EEFSEC: variants seen among roughly 807,000 people sequenced by gnomAD.
EEFSEC encodes the protein eukaryotic elongation factor, selenocysteine-tRNA specific.
EEFSEC carries 43 observed loss-of-function variants against 42.1 expected under a neutral mutation model. The observed-to-expected ratio is 1.02, with a 90% CI of 0.80 to 1.32. The LOEUF (loss-of-function observed/expected upper bound fraction) is 1.32. Ranked by LOEUF, EEFSEC falls within the 40% of genes most tolerant of loss-of-function variation. The pLI, the probability that EEFSEC is intolerant of heterozygous loss-of-function variation, is 0.00. For synonymous variants in EEFSEC, 354 were observed against 339.1 expected, an observed-to-expected ratio of 1.04 and a Z score of -0.48; for missense variants, 745 against 803.6, an observed-to-expected ratio of 0.93 and a Z score of 0.88.
At chr3:128,238,479 A>G (rs576097034) in intron 1 of EEFSEC, among the ~76,000 whole-genome samples, 4 of 152,282 alleles carry the variant, frequency 2.6e-5, no homozygotes, top group East Asian at 1.9e-4. Flanking sequence ...CTTGGCTCCA[A>G]TTCAGCTCTC....
chr3:128,175,772 T>G (rs1202892984), intron 1 of EEFSEC, among the ~76,000 whole-genome samples: 2 of 152,178 alleles, frequency 1.3e-5, no homozygotes, highest in African/African-American at 4.8e-5. Flanking sequence ...GGTTTAGTAG[T>G]GAGCCCTCTA....
chr3:128,290,251 A>T (rs761264811), intron 4 of EEFSEC, among the ~76,000 whole-genome samples: 3 of 151,444 alleles, frequency 2.0e-5, no homozygotes, highest in Admixed American at 6.6e-5. Context: ...TTCCAAATTA[A>T]TTTTTTTGTA....
At chr3:128,166,633 G>A (rs985927512) in intron 1 of EEFSEC, among the ~76,000 whole-genome samples, 4 of 151,872 alleles carry the variant, frequency 2.6e-5, no homozygotes, top group Non-Finnish European at 5.9e-5. Flanking sequence ...CCTGGCCTGG[G>A]GTGACTACCA....
intron 4 of EEFSEC, among the ~76,000 whole-genome samples, chr3:128,287,452 C>T (rs1192506691): frequency 6.6e-6 from 1 of 152,204 alleles, no homozygotes; most frequent in Non-Finnish European, 1.5e-5. Context: ...AACAGCTACA[C>T]TTTTCTTCCT....
intron 1 of EEFSEC, among the ~76,000 whole-genome samples, chr3:128,237,948 C>T (rs143997366): frequency 1.3e-5 from 2 of 152,242 alleles, no homozygotes; most frequent in East Asian, 3.9e-4. Flanking sequence ...CTTAGGGTTC[C>T]CAGAGCACTC....
intron 1 of EEFSEC, among the ~76,000 whole-genome samples, chr3:128,171,902 A>G (rs1559853344): frequency 6.6e-6 from 1 of 152,220 alleles, no homozygotes; most frequent in African/African-American, 2.4e-5. Flanking sequence ...TTAAAAACAC[A>G]ATAAAGTATA....
chr3:128,408,092 A>G lies in EEFSEC; in HGVS notation c.1624A>G (p.Lys542Glu). 2.5e-6 allele frequency: 4 copies of G among 1,591,236 alleles called. No homozygotes were observed. Among genetic ancestry groups the G allele is most frequent in the Non-Finnish European group, 1.7e-6 (2 of 1,168,718 alleles). The change falls in exon 7 of 7, where the codon AAG (lysine) becomes GAG (glutamate). Residue 542 changes from lysine (K) to glutamate (E), a missense_variant. By Grantham distance (56) the Lys-to-Glu change is moderately conservative (BLOSUM62 1). Coordinates refer to ENST00000254730, the MANE Select transcript of EEFSEC (RefSeq NM_021937.5). ...IPGGLSPESKKILTPALKKRA... is the reference protein window; with the variant it reads ...IPGGLSPESKEILTPALKKRA... ...AGGTGGCCTCAGCCCCGAGTCCAAG[A>G]AGATCCTGACACCCGCCCTCAAGAA...
intron 4 of EEFSEC, among the ~76,000 whole-genome samples, chr3:128,311,590 G>A (rs1201665083): frequency 2.0e-5 from 3 of 152,228 alleles, no homozygotes; most frequent in African/African-American, 7.2e-5. Flanking sequence ...CAGGCCCACG[G>A]AGCTAGTTTG....
chr3:128,209,835 C>T (rs1048477438), intron 1 of EEFSEC, among the ~76,000 whole-genome samples: 30 of 152,168 alleles, frequency 2.0e-4, no homozygotes, highest in Admixed American at 2.0e-3. Context: ...TAGATTATGT[C>T]CCCAGTTGAG....
At chr3:128,168,188 A>G (rs1393055823) in intron 1 of EEFSEC, among the ~76,000 whole-genome samples, 5 of 152,194 alleles carry the variant, frequency 3.3e-5, no homozygotes, top group African/African-American at 1.2e-4. Flanking sequence ...GGCTGATGCC[A>G]GTAATTGTTC....
In EEFSEC at chr3:128,351,606, C is replaced by T. The variant is rs574666807; in HGVS notation, c.1444-6611C>T. On this transcript the variant is annotated intron_variant, in intron 5 of 6. Transcript: ENST00000254730. ...CTTCTACAATTTGAATTAGAATGGT[C>T]ACTTCACAGCTTGGGCAATTCCCAA... is the stretch of plus-strand genomic sequence containing the variant. Among the ~76,000 whole-genome samples the T allele has an allele frequency of 3.3e-5, 5 of 152,332 alleles. No homozygotes were observed. In the South Asian group the frequency reaches 8.3e-4, roughly 25 times the overall value.
chr3:128,163,794 A>G (rs1351864801), intron 1 of EEFSEC, among the ~76,000 whole-genome samples: 2 of 151,926 alleles, frequency 1.3e-5, no homozygotes, highest in East Asian at 3.9e-4. Context: ...AGATCACACA[A>G]TATGTGGCCT....
intron 4 of EEFSEC, among the ~76,000 whole-genome samples, chr3:128,283,190 G>A (rs140864344): frequency 7.9e-5 from 12 of 152,332 alleles, no homozygotes; most frequent in Middle Eastern, 3.4e-3. Flanking sequence ...GGGACTAGGC[G>A]GTTAAGGCTC....
At chr3:128,173,453 T>C (rs1010786117) in intron 1 of EEFSEC, among the ~76,000 whole-genome samples, 1 of 152,150 alleles carries the variant, frequency 6.6e-6, no homozygotes, top group Non-Finnish European at 1.5e-5. Flanking sequence ...TGAGTGAGAA[T>C]TCCTGCAATG....
At chr3:128,263,359 G>A (rs1354812560) in intron 3 of EEFSEC, among the ~76,000 whole-genome samples, 5 of 152,224 alleles carry the variant, frequency 3.3e-5, no homozygotes, top group South Asian at 2.1e-4. Flanking sequence ...ACCTGGCTCC[G>A]CAGAGCCAAG....
At chr3:128,332,753 G>T (rs939011607) in intron 4 of EEFSEC, among the ~76,000 whole-genome samples, 44 of 152,220 alleles carry the variant, frequency 2.9e-4, no homozygotes, top group African/African-American at 9.7e-4. Flanking sequence ...GGCAGCGCTG[G>T]CAGTCTCCAG....
intron 5 of EEFSEC, among the ~76,000 whole-genome samples, chr3:128,345,353 TG>T (rs1222476329): frequency 2.0e-5 from 3 of 152,204 alleles, no homozygotes; most frequent in Non-Finnish European, 4.4e-5. Context: ...CCAATCCCCC[TG>T]GTCCCTATCA....
chr3:128,424,056 ACACT>A, the EEFSEC span, among the ~76,000 whole-genome samples: 1 of 152,090 alleles, frequency 6.6e-6, no homozygotes, highest in Non-Finnish European at 1.5e-5. Context: ...CCGCACACAC[ACACT>A]ATGCATGCAC....
At chr3:128,345,018 A>G (rs775104973) in intron 5 of EEFSEC, among the ~76,000 whole-genome samples, 1 of 152,214 alleles carries the variant, frequency 6.6e-6, no homozygotes, top group Non-Finnish European at 1.5e-5. Flanking sequence ...TTGCTTGACC[A>G]GGGGCTCAGC....
Sources: gnomAD v4.1 joint callset for allele counts (sites outside exome capture counted in the v4.1 genomes callset) on GRCh38, gnomAD v4.1.1 for gene constraint, MANE v1.5 for transcripts, NCBI Gene and HGNC (gene_info 2026-07-23, HGNC 2026-07-21) for gene names.